STON2: variants seen among roughly 807,000 people sequenced by gnomAD.
The protein encoded by STON2 is stonin-2.
A neutral mutation model predicts 65.7 loss-of-function variants in STON2; 29 were observed. That is an observed-to-expected ratio of 0.44 (90% CI 0.33 to 0.60). STON2 has a LOEUF of 0.60. STON2 is among the 20% of genes least tolerant of loss of function. STON2 has a pLI of 0.03. For missense variants in STON2, 1,054 were observed against 1,118.1 expected (o/e 0.94, Z 0.82); for synonymous variants, 404 against 414.2 (o/e 0.98, Z 0.30).
intron 2 of STON2, among the ~76,000 whole-genome samples, chr14:81,417,959 A>C (rs1901520789): frequency 6.6e-6 from 1 of 152,152 alleles, no homozygotes; most frequent in Non-Finnish European, 1.5e-5. Context: ...TCAAATGCTG[A>C]GGAGAGACAT....
In STON2 at chr14:81,266,725, T is replaced by C. The variant is rs563106419; in HGVS notation, c.*1689A>G. The C allele has an allele frequency of 3.9e-4, 380 of 985,382 alleles. 3 individuals are homozygous for C. The South Asian group carries it at 9.9e-3, about 26-fold the overall frequency. 61.0% of individuals were successfully genotyped at this position (985,382 alleles called of 1,614,324 possible). A position where few individuals can be genotyped will look rare whatever the true frequency, so the allele number is the denominator to read the frequency against. On this transcript the variant is annotated 3_prime_UTR_variant, in exon 8 of 8. Coordinates refer to ENST00000614646, the MANE Select transcript of STON2 (RefSeq NM_001394390.1). ...GCCATGATATATTTCTGATTCAACATTGAACCTCCATTTCTGTAAGGAAAT... is the reference window on the plus strand; with the variant it reads ...GCCATGATATATTTCTGATTCAACACTGAACCTCCATTTCTGTAAGGAAAT...
chr14:81,273,377 A>T (rs1353006221), intron 6 of STON2, among the ~76,000 whole-genome samples: 1 of 152,256 alleles, frequency 6.6e-6, no homozygotes, highest in African/African-American at 2.4e-5. Flanking sequence ...TCAGATTTTT[A>T]AAATTTCCCA....
chr14:81,335,327 T>C (rs1188989337), intron 4 of STON2, among the ~76,000 whole-genome samples: 1 of 152,064 alleles, frequency 6.6e-6, no homozygotes, highest in Non-Finnish European at 1.5e-5. Context: ...GAAGAAAAGG[T>C]AGAGAGAAGA....
rs911512599 is a variant in STON2, at chr14:81,267,249, G to C, written c.*1165C>G. 7.2e-5 allele frequency: 71 copies of C among 985,246 alleles called. No homozygotes were observed. Among genetic ancestry groups the C allele is most frequent in the Non-Finnish European group, 8.3e-5 (69 of 829,920 alleles). The allele number at this position is 985,246 out of a possible 1,614,324, so 61.0% of individuals were successfully genotyped here. A position where few individuals can be genotyped will look rare whatever the true frequency, so the allele number is the denominator to read the frequency against. On this transcript the variant is annotated 3_prime_UTR_variant, in exon 8 of 8. Coordinates refer to ENST00000614646, the MANE Select transcript of STON2 (RefSeq NM_001394390.1). The stretch of plus-strand genomic sequence containing the variant: ...AAAAAGAAGATGGAGTGAGCGTTCT[G>C]ACTCTTGGAATCAGAATATAATGTT...
chr14:81,341,794 T>C (rs922520797), intron 4 of STON2, among the ~76,000 whole-genome samples: 1 of 152,220 alleles, frequency 6.6e-6, no homozygotes, highest in African/African-American at 2.4e-5. Flanking sequence ...CTTTTTCCTT[T>C]TGGAATCCAT....
At chr14:81,397,172 T>C (rs1182376233) in intron 2 of STON2, among the ~76,000 whole-genome samples, 5 of 152,220 alleles carry the variant, frequency 3.3e-5, no homozygotes, top group Admixed American at 2.6e-4. Flanking sequence ...TTTTTCTGTA[T>C]AAAGGTTTTT....
At chr14:81,325,845 G>A (rs73339703) in intron 4 of STON2, among the ~76,000 whole-genome samples, 245 of 152,162 alleles carry the variant, frequency 1.6e-3, no homozygotes, top group African/African-American at 5.7e-3. Flanking sequence ...ATGCACAGAG[G>A]GGCAGACTGA....
chr14:81,279,648 G>A (rs569928856), intron 5 of STON2, among the ~76,000 whole-genome samples: 2 of 152,000 alleles, frequency 1.3e-5, no homozygotes, highest in South Asian at 2.1e-4. Context: ...CGGAGATTGT[G>A]CCACTGCACT....
rs1894167267 is a variant in STON2 at position 81,261,962 on chromosome 14, AGAG to A, written c.*6449_*6451del. On this transcript the variant is annotated 3_prime_UTR_variant, in exon 8 of 8. Transcript: ENST00000614646. The stretch of plus-strand genomic sequence containing the variant: ...GAAATGATAAAAAAAAAAAAAAAAA[AGAG>A]AGAGATGTGAAAAGGAAAAAGATGG... The A allele has an allele frequency of 2.8e-6, 4 of 1,416,318 alleles. No homozygotes were observed. The highest frequency in any genetic ancestry group is 3.7e-6 in the Non-Finnish European group (4 of 1,090,028). 87.7% of individuals were successfully genotyped at this position (1,416,318 alleles called of 1,614,324 possible). A position where few individuals can be genotyped will look rare whatever the true frequency, so the allele number is the denominator to read the frequency against.
chr14:81,382,567 G>A (rs1049266259), intron 3 of STON2, among the ~76,000 whole-genome samples: 2 of 152,186 alleles, frequency 1.3e-5, no homozygotes, highest in African/African-American at 2.4e-5. Flanking sequence ...GGGATGTGAT[G>A]AGGGAGGAGG....
chr14:81,404,610 C>T (rs1228841820), upstream of STON2, among the ~76,000 whole-genome samples: 1 of 152,116 alleles, frequency 6.6e-6, no homozygotes, highest in Non-Finnish European at 1.5e-5. Flanking sequence ...CCCATGTGAT[C>T]CTCCCACCTC....
At chr14:81,375,618 A>G (rs919017038) in intron 3 of STON2, among the ~76,000 whole-genome samples, 4 of 152,086 alleles carry the variant, frequency 2.6e-5, no homozygotes, top group Non-Finnish European at 5.9e-5. Flanking sequence ...CCTCTCAGTT[A>G]TTGATATATC....
intron 3 of STON2, among the ~76,000 whole-genome samples, chr14:81,382,212 C>T (rs1452964056): frequency 1.3e-5 from 2 of 148,284 alleles, no homozygotes; most frequent in African/African-American, 5.1e-5. Context: ...GAGCAAGACT[C>T]TGTCTCAAAA....
At chr14:81,401,237 T>C (rs922438090), upstream of STON2, among the ~76,000 whole-genome samples, 1 of 152,190 alleles carries the variant, frequency 6.6e-6, no homozygotes, top group Non-Finnish European at 1.5e-5. Context: ...ATCCTCTTCA[T>C]TATAGATATA....
intron 1 of STON2, among the ~76,000 whole-genome samples, chr14:81,428,325 T>C (rs756430241): frequency 6.6e-6 from 1 of 152,214 alleles, no homozygotes; most frequent in Admixed American, 6.5e-5. Context: ...GTTCACATAA[T>C]AGACGACATT....
intron 4 of STON2, among the ~76,000 whole-genome samples, chr14:81,363,342 C>CA (rs1391130011): frequency 1.3e-5 from 2 of 151,764 alleles, no homozygotes; most frequent in African/African-American, 2.4e-5. Flanking sequence ...ATTTTAATGG[C>CA]AAAAAAAGCT....
At chr14:81,279,584 G>C (rs1455117567) in intron 5 of STON2, among the ~76,000 whole-genome samples, 1 of 152,034 alleles carries the variant, frequency 6.6e-6, no homozygotes, top group Non-Finnish European at 1.5e-5. Flanking sequence ...CCAGCGGCTT[G>C]GGAGGCTGAG....
chr14:81,370,284 G>A lies in STON2; in HGVS notation c.571+704C>T, dbSNP rs1212307668. 2.6e-5 allele frequency among the ~76,000 whole-genome samples: 4 copies of A among 152,106 alleles called. No individual in the cohort carries two copies. In the South Asian group the frequency reaches 6.2e-4, roughly 24 times the overall value. On this transcript the variant is annotated intron_variant, in intron 4 of 7. Coordinates refer to ENST00000614646, the MANE Select transcript of STON2 (RefSeq NM_001394390.1). ...CACTTTCAGAAGAAACCAATCTCTC[G>A]GGTCAAATAACCAAAACACCAAGAA...
At chr14:81,358,375 T>C (rs1330725793) in intron 4 of STON2, among the ~76,000 whole-genome samples, 1 of 152,004 alleles carries the variant, frequency 6.6e-6, no homozygotes, top group Non-Finnish European at 1.5e-5. Flanking sequence ...CGTAAGCCTC[T>C]TGGTGATCAC....
Sources: gnomAD v4.1 joint callset for allele counts (sites outside exome capture counted in the v4.1 genomes callset) on GRCh38, gnomAD v4.1.1 for gene constraint, MANE v1.5 for transcripts, NCBI Gene and HGNC (gene_info 2026-07-23, HGNC 2026-07-21) for gene names.